RTF1: variants seen among roughly 807,000 people sequenced by gnomAD.
RTF1 encodes RTF1 homolog, Paf1/RNA polymerase II complex component.
RTF1 carries 10 observed loss-of-function variants against 95.7 expected under a neutral mutation model. That is an observed-to-expected ratio of 0.10 (90% CI 0.06 to 0.18). RTF1 has a LOEUF of 0.18. Ranked by LOEUF, RTF1 falls within the 10% of genes least tolerant of loss-of-function variation. The probability of loss-of-function intolerance (pLI) is 1.00; values close to 1 mark genes in which losing one functional copy is unlikely to be tolerated. For synonymous variants in RTF1, 305 were observed against 311.8 expected (o/e 0.98, Z 0.23); for missense variants, 458 against 875.6 (o/e 0.52, Z 6.02).
At chr15:41,469,528 C>CTT (rs751672878) in intron 6 of RTF1, among the ~76,000 whole-genome samples, 3 of 138,350 alleles carry the variant, frequency 2.2e-5, no homozygotes, top group African/African-American at 5.3e-5. Context: ...GGCCACGTTC[C>CTT]TTTTTTTTTT....
chr15:41,419,637 A>G (rs1358729370), intron 1 of RTF1, among the ~76,000 whole-genome samples: 1 of 152,196 alleles, frequency 6.6e-6, no homozygotes, highest in East Asian at 1.9e-4. Flanking sequence ...ATTTCTTGGT[A>G]AAGCACTCTC....
chr15:41,430,990 C>T (rs1285939409), intron 1 of RTF1, among the ~76,000 whole-genome samples: 4 of 151,550 alleles, frequency 2.6e-5, no homozygotes, highest in Non-Finnish European at 4.4e-5. Flanking sequence ...GCAACCTCCA[C>T]CTCCTAGGTT....
intron 1 of RTF1, among the ~76,000 whole-genome samples, chr15:41,428,969 T>G (rs2050653885): frequency 6.6e-6 from 1 of 152,020 alleles, no homozygotes; most frequent in Non-Finnish European, 1.5e-5. Context: ...ACTCCTGACC[T>G]CAAGTAATCT....
intron 1 of RTF1, among the ~76,000 whole-genome samples, chr15:41,423,446 C>T (rs1376911515): frequency 6.7e-6 from 1 of 149,950 alleles, no homozygotes; most frequent in Non-Finnish European, 1.5e-5. Context: ...GCTGGGCTCA[C>T]TGTAGCCTCC....
At chr15:41,460,475 A>C (rs1220753087) in intron 4 of RTF1, among the ~76,000 whole-genome samples, 1 of 152,128 alleles carries the variant, frequency 6.6e-6, no homozygotes, top group Non-Finnish European at 1.5e-5. Flanking sequence ...ATTGGAACAA[A>C]TAGGACTTAA....
At chr15:41,421,186 G>C (rs1308833998) in intron 1 of RTF1, among the ~76,000 whole-genome samples, 1 of 152,186 alleles carries the variant, frequency 6.6e-6, no homozygotes, top group Non-Finnish European at 1.5e-5. Context: ...GCCAGGTGCA[G>C]TGGCTCATAC....
intron 2 of RTF1, among the ~76,000 whole-genome samples, chr15:41,446,689 A>G (rs527406716): frequency 6.6e-6 from 1 of 152,128 alleles, no homozygotes; most frequent in South Asian, 2.1e-4. Context: ...TGGTCAAGGC[A>G]GTGTTATTAT....
chr15:41,423,996 G>A (rs961221555), intron 1 of RTF1, among the ~76,000 whole-genome samples: 8 of 152,082 alleles, frequency 5.3e-5, no homozygotes, highest in Non-Finnish European at 1.2e-4. Context: ...CAAGTGATCC[G>A]CCCTCCTTGG....
intron 1 of RTF1, among the ~76,000 whole-genome samples, chr15:41,428,090 T>G (rs1305685743): frequency 1.3e-5 from 2 of 150,206 alleles, no homozygotes; most frequent in Non-Finnish European, 3.0e-5. Flanking sequence ...CCTGGCCGCC[T>G]TCTTTTTTTT....
At chr15:41,453,495 G>A (rs143146209) in intron 3 of RTF1, among the ~76,000 whole-genome samples, 1 of 152,304 alleles carries the variant, frequency 6.6e-6, no homozygotes, top group Non-Finnish European at 1.5e-5. Flanking sequence ...GGAGGCCAAG[G>A]TGGGAGGATC....
chr15:41,468,189 TAAC>T (rs2050890093), intron 6 of RTF1, among the ~76,000 whole-genome samples: 1 of 149,794 alleles, frequency 6.7e-6, no homozygotes, highest in Non-Finnish European at 1.5e-5. Flanking sequence ...AAAGAAATAA[TAAC>T]GTGTTCTGTC....
chr15:41,418,295 G>C (rs1389305483), intron 1 of RTF1, among the ~76,000 whole-genome samples: 1 of 152,180 alleles, frequency 6.6e-6, no homozygotes, highest in Non-Finnish European at 1.5e-5. Flanking sequence ...ATTGAACTTG[G>C]AGTCTGAAAA....
chr15:41,463,900 G>A (rs549761529), intron 4 of RTF1, among the ~76,000 whole-genome samples: 1 of 151,934 alleles, frequency 6.6e-6, no homozygotes, highest in African/African-American at 2.4e-5. Flanking sequence ...TCGCCAGGCT[G>A]GAGTGCAGTG....
intron 14 of RTF1, among the ~76,000 whole-genome samples, chr15:41,477,766 GT>G (rs1485549522): frequency 6.6e-6 from 1 of 152,100 alleles, no homozygotes; most frequent in African/African-American, 2.4e-5. Flanking sequence ...CTCAATTTCT[GT>G]TTCTTGGTTG....
At chr15:41,466,672 T>C (rs912557690) in intron 6 of RTF1, among the ~76,000 whole-genome samples, 1 of 152,270 alleles carries the variant, frequency 6.6e-6, no homozygotes, top group African/African-American at 2.4e-5. Context: ...CATTTCTATT[T>C]GTTTTGTAAT....
chr15:41,432,041 C>T (rs1040752978), intron 1 of RTF1, among the ~76,000 whole-genome samples: 4 of 151,786 alleles, frequency 2.6e-5, no homozygotes, highest in African/African-American at 7.2e-5. Flanking sequence ...CCTTGTGATC[C>T]GCCCACCTCG....
At chr15:41,473,666 G>A (rs1241512756) in intron 8 of RTF1, among the ~76,000 whole-genome samples, 2 of 152,028 alleles carry the variant, frequency 1.3e-5, no homozygotes, top group Non-Finnish European at 2.9e-5. Flanking sequence ...GGACTCAAAC[G>A]ATCCTCCTAC....
intron 3 of RTF1, among the ~76,000 whole-genome samples, chr15:41,455,139 C>G (rs2050806337): frequency 6.6e-6 from 1 of 151,762 alleles, no homozygotes; most frequent in Non-Finnish European, 1.5e-5. Context: ...CATGGTGAAA[C>G]CCCGTCTCTA....
chr15:41,474,371 A>G (rs2050931516), intron 8 of RTF1, among the ~76,000 whole-genome samples: 1 of 152,214 alleles, frequency 6.6e-6, no homozygotes, highest in Admixed American at 6.5e-5. Flanking sequence ...TAGTTGGAGG[A>G]AAAGCTTCCA....
Sources: gnomAD v4.1 joint callset for allele counts (sites outside exome capture counted in the v4.1 genomes callset) on GRCh38, gnomAD v4.1.1 for gene constraint, MANE v1.5 for transcripts, NCBI Gene and HGNC (gene_info 2026-07-23, HGNC 2026-07-21) for gene names.